DHX30: variants seen among roughly 807,000 people sequenced by gnomAD.
DHX30 encodes DExH-box helicase 30.
In DHX30, 4 loss-of-function variants were observed where a neutral mutation model predicts 116.9. The observed-to-expected ratio is 0.03, with a 90% confidence interval of 0.02 to 0.08. The LOEUF (loss-of-function observed/expected upper bound fraction) is 0.08, where lower values mean the gene tolerates loss of function less well. Among genes scored for constraint, DHX30 ranks in the 10% least tolerant of loss-of-function variants. DHX30 has a pLI of 1.00. For synonymous variants in DHX30, 697 were observed against 651.7 expected (o/e 1.07, Z -1.06); for missense variants, 871 against 1,595.1 (o/e 0.55, Z 7.73).
intron 6 of DHX30, among the ~76,000 whole-genome samples, chr3:47,838,249 C>T (rs909763368): frequency 1.3e-5 from 2 of 152,164 alleles, no homozygotes; most frequent in Admixed American, 6.6e-5. Context: ...GGTTTTCACG[C>T]GTCTATTCTT....
rs978849199 is a variant in DHX30, at chr3:47,846,768, G to A, written c.1696G>A (p.Val566Met). The A allele has an allele frequency of 1.2e-6, 2 of 1,613,946 alleles. No homozygotes were observed. Among genetic ancestry groups the A allele is most frequent in the East Asian group, 2.2e-5 (1 of 44,884 alleles). ...VIVDEVHERD[V>M]NTDFLLILLK... ...CGTGGATGAGGTGCATGAGCGGGACGTGAACACAGACTTTCTGCTGATCCT... is the reference window on the plus strand; with the variant it reads ...CGTGGATGAGGTGCATGAGCGGGACATGAACACAGACTTTCTGCTGATCCT... Residue 566 changes from valine (V) to methionine (M), a missense_variant, in exon 11 of 22, where the codon GTG (valine) becomes ATG (methionine). Around this residue, in one of 13 missense-constraint regions of DHX30, gnomAD observed 63 missense variants for 180.6 expected, o/e 0.35. Coordinates refer to ENST00000445061, the MANE Select transcript of DHX30 (RefSeq NM_138615.3).
In DHX30 at chr3:47,816,078, C is replaced by T. The variant is rs115056790; in HGVS notation, c.29-1944C>T. On this transcript the variant is annotated intron_variant, in intron 3 of 21. Transcript: ENST00000445061. ...ATTAGTTTCAAAATAAACCTTGATC[C>T]TAGGCATTTAGTTCTAGAAGATCCT... 424 of 985,112 alleles carry T rather than the reference C, an allele frequency of 4.3e-4. 4 individuals carry two copies. The African/African-American group carries it at 7.0e-3, about 16-fold the overall frequency. 61.0% of individuals were successfully genotyped at this position (985,112 alleles called of 1,614,324 possible).
chr3:47,834,619 G>A (rs1339898384), intron 6 of DHX30, among the ~76,000 whole-genome samples: 2 of 151,870 alleles, frequency 1.3e-5, no homozygotes, highest in South Asian at 2.1e-4. Flanking sequence ...GCAGGTGTGC[G>A]CCACCACACC....
chr3:47,821,648 G>T (rs2036306144), intron 4 of DHX30, among the ~76,000 whole-genome samples: 1 of 152,004 alleles, frequency 6.6e-6, no homozygotes, highest in Non-Finnish European at 1.5e-5. Context: ...GTCCAGGCTG[G>T]AGTGCAATGG....
Position 47,840,617 on chromosome 3 carries a change from CAG to C in DHX30, c.367-257_367-256del, listed in dbSNP as rs144971803. Among the ~76,000 whole-genome samples, 861 of 152,150 alleles carry C rather than the reference CAG, an allele frequency of 5.7e-3. 23 individuals carry two copies. The highest frequency in any genetic ancestry group is 0.042 in the Admixed American group (635 of 15,294). On this transcript the variant is annotated intron_variant, in intron 6 of 21. Coordinates refer to ENST00000445061, the MANE Select transcript of DHX30 (RefSeq NM_138615.3). ...TGCCACTGCACTCCAGTCTGGGTGACAGAGCGAGACCCTGTGTCAAAAAAACA... is the reference window on the plus strand; with the variant it reads ...TGCCACTGCACTCCAGTCTGGGTGACAGCGAGACCCTGTGTCAAAAAAACA...
At chr3:47,833,554 A>G (rs2036963078) in intron 6 of DHX30, among the ~76,000 whole-genome samples, 1 of 150,156 alleles carries the variant, frequency 6.7e-6, no homozygotes, top group South Asian at 2.1e-4. Flanking sequence ...AAAAAAAAAA[A>G]AAAAGAAAGA....
Position 47,849,742 on chromosome 3 carries a change from C to G in DHX30, c.3304C>G (p.Leu1102Val). The change falls in exon 21 of 22, where the codon CTG (leucine) becomes GTG (valine). Residue 1102 changes from leucine (L) to valine (V), a missense_variant. Around this residue, in one of 13 missense-constraint regions of DHX30, gnomAD observed 238 missense variants for 481.0 expected, o/e 0.49. Coordinates refer to ENST00000445061, the MANE Select transcript of DHX30 (RefSeq NM_138615.3). ...SQVHPLAVLL[L>V]TDGDVHIRDD... ...GGTGCACCCGCTAGCTGTGCTGCTG[C>G]TGACCGACGGGGACGTGCACATCCG... 1 of 1,613,830 alleles carries G rather than the reference C, an allele frequency of 6.2e-7. No individual in the cohort carries two copies. Among genetic ancestry groups the G allele is most frequent in the Non-Finnish European group, 8.5e-7 (1 of 1,179,884 alleles).
At chr3:47,819,860 G>A (rs751966906) in intron 4 of DHX30, among the ~76,000 whole-genome samples, 3 of 152,140 alleles carry the variant, frequency 2.0e-5, no homozygotes, top group Non-Finnish European at 4.4e-5. Context: ...ACTCACCTCT[G>A]GCTGTCCCCT....
intron 6 of DHX30, among the ~76,000 whole-genome samples, chr3:47,836,345 G>C (rs921204977): frequency 6.6e-6 from 1 of 151,848 alleles, no homozygotes; most frequent in African/African-American, 2.4e-5. Flanking sequence ...GGCCAGGCTG[G>C]TCTCAAAGTC....
At position 47,841,056 on chromosome 3, in the gene DHX30, C is replaced by G; in HGVS notation, c.546C>G (p.Ser182=). 2 of 1,614,110 alleles carry G rather than the reference C, an allele frequency of 1.2e-6. No homozygotes were observed. The highest frequency in any genetic ancestry group is 1.7e-6 in the Non-Finnish European group (2 of 1,180,010). Residue 182 remains serine, a synonymous_variant, in exon 7 of 22, where the codon TCC becomes TCG. Transcript: ENST00000445061. ...SIRPGGPGGL[S]RSLGREEEED... is the part of the protein sequence containing the mutation. ...GACCAGGGGGACCTGGGGGCCTATC[C>G]CGCTCTTTAGGCCGGGAAGAAGAGG... is the stretch of plus-strand genomic sequence containing the variant.
At chr3:47,838,636 C>G (rs994286284) in intron 6 of DHX30, among the ~76,000 whole-genome samples, 15 of 152,234 alleles carry the variant, frequency 9.9e-5, no homozygotes, top group Admixed American at 6.5e-5. Context: ...TAGAGAGGTT[C>G]CTGGCCCGTG....
intron 4 of DHX30, chr3:47,824,977 G>A: frequency 2.0e-6 from 1 of 511,290 alleles, no homozygotes; most frequent in Non-Finnish European, 3.4e-6. Flanking sequence ...GCTCGGGCCG[G>A]CCGCTCCCGT....
At chr3:47,810,610 T>G (rs988942216) in intron 2 of DHX30, 47 bp from the exon 3 acceptor site, 1 of 1,503,440 alleles carries the variant, frequency 6.7e-7, no homozygotes, top group Admixed American at 1.7e-5. Flanking sequence ...TGTGGGTTGC[T>G]GGACCAGGAA....
rs753186527 is a variant in DHX30, at chr3:47,849,563, A to T, written c.3191+9A>T. The T allele has an allele frequency of 2.5e-6, 4 of 1,613,052 alleles. No homozygotes were observed. The East Asian group carries it at 8.9e-5, about 36-fold the overall frequency. On this transcript the variant is annotated intron_variant, in intron 20 of 21. Coordinates refer to ENST00000445061, the MANE Select transcript of DHX30 (RefSeq NM_138615.3). ...AAGTCGACCATTAACAGGTGAGGGCATGCAGGCCTGGATGGGGCAGCTGGG... is the reference window on the plus strand; with the variant it reads ...AAGTCGACCATTAACAGGTGAGGGCTTGCAGGCCTGGATGGGGCAGCTGGG...
rs2037636302 is a variant in DHX30 at position 47,846,980 on chromosome 3, G to A, written c.1908G>A (p.Leu636=). 6.2e-7 allele frequency: 1 copy of A among 1,611,418 alleles called. No homozygotes were observed. The highest frequency in any genetic ancestry group is 8.5e-7 in the Non-Finnish European group (1 of 1,178,856). The change falls in exon 11 of 22, where the codon CTG becomes CTA. Residue 636 remains leucine, a synonymous_variant. Transcript: ENST00000445061. ...CCAAGTTGGGCAAGCACCAGTACCTGCACCGGCACCGGCACCATGAGGTGA... is the reference window on the plus strand; with the variant it reads ...CCAAGTTGGGCAAGCACCAGTACCTACACCGGCACCGGCACCATGAGGTGA... ...ILAKLGKHQY[L]HRHRHHESED...
At chr3:47,844,582 C>T (rs1287127696) in intron 9 of DHX30, among the ~76,000 whole-genome samples, 2 of 152,204 alleles carry the variant, frequency 1.3e-5, no homozygotes, top group African/African-American at 2.4e-5. Flanking sequence ...CCTTTAGGTC[C>T]TTATAGCTGA....
chr3:47,826,914 A>G (rs1390067569), intron 4 of DHX30, among the ~76,000 whole-genome samples: 1 of 152,178 alleles, frequency 6.6e-6, no homozygotes, highest in African/African-American at 2.4e-5. Flanking sequence ...GTCTTATTTT[A>G]GGAAGAGCCT....
At chr3:47,825,309 A>G (rs888957149) in intron 4 of DHX30, 64 of 539,440 alleles carry the variant, frequency 1.2e-4, no homozygotes, top group Middle Eastern at 3.4e-4. Flanking sequence ...TGGCAGAGCT[A>G]GGGGCGCGGG....
chr3:47,833,120 A>C (rs554213694), intron 6 of DHX30, among the ~76,000 whole-genome samples: 1 of 152,028 alleles, frequency 6.6e-6, no homozygotes, highest in Non-Finnish European at 1.5e-5. Flanking sequence ...TAATGTGTAC[A>C]GTATGGTGTT....
Sources: gnomAD v4.1 joint callset for allele counts (sites outside exome capture counted in the v4.1 genomes callset) on GRCh38, gnomAD v4.1.1 for gene constraint, gnomAD v4.1.1 regional missense constraint, MANE v1.5 for transcripts, NCBI Gene and HGNC (gene_info 2026-07-23, HGNC 2026-07-21) for gene names.